The following DOCK1 variants were observed in gnomAD, a reference collection of about 807,000 sequenced individuals.
The protein encoded by DOCK1 is dedicator of cytokinesis protein 1.
In DOCK1, 138 loss-of-function variants were observed where a neutral mutation model predicts 262.7. That is an observed-to-expected ratio of 0.53 (90% CI 0.46 to 0.61). The LOEUF (loss-of-function observed/expected upper bound fraction) is 0.61. Ranked by LOEUF, DOCK1 falls within the 20% of genes least tolerant of loss-of-function variation. DOCK1 has a pLI of 0.00. For synonymous variants in DOCK1, 866 were observed against 867.4 expected (o/e 1.00, Z 0.03); for missense variants, 1,908 against 2,370.7 (o/e 0.80, Z 4.05).
At chr10:127,203,698 G>T (rs974036312) in intron 27 of DOCK1, among the ~76,000 whole-genome samples, 2 of 145,030 alleles carry the variant, frequency 1.4e-5, no homozygotes, top group Non-Finnish European at 1.5e-5. Flanking sequence ...AACAGTCTTC[G>T]CTTTAATTGC....
chr10:127,425,527 C>G (rs1292971080), intron 46 of DOCK1, among the ~76,000 whole-genome samples: 2 of 152,170 alleles, frequency 1.3e-5, no homozygotes, highest in African/African-American at 4.8e-5. Flanking sequence ...AATGTTCGCA[C>G]TCTGACATGA....
At chr10:127,204,822 G>A (rs1220585346) in intron 27 of DOCK1, among the ~76,000 whole-genome samples, 2 of 152,152 alleles carry the variant, frequency 1.3e-5, no homozygotes, top group African/African-American at 4.8e-5. Flanking sequence ...GGCCGTGATA[G>A]CCGATACCCT....
intron 1 of DOCK1, among the ~76,000 whole-genome samples, chr10:126,930,180 C>T (rs984123774): frequency 7.2e-5 from 11 of 152,324 alleles, no homozygotes; most frequent in East Asian, 5.8e-4. Flanking sequence ...GAGTAGACCA[C>T]GATTTGTTTG....
intron 23 of DOCK1, among the ~76,000 whole-genome samples, chr10:127,095,041 G>A (rs777232340): frequency 6.6e-6 from 1 of 152,202 alleles, no homozygotes; most frequent in Non-Finnish European, 1.5e-5. Flanking sequence ...GAATACTTCA[G>A]TAATTTAATT....
chr10:127,305,826 G>A (rs563482972), intron 29 of DOCK1, among the ~76,000 whole-genome samples: 4 of 152,118 alleles, frequency 2.6e-5, no homozygotes, highest in African/African-American at 4.8e-5. Context: ...GTAGTTTTTC[G>A]TTTTGTTTTT....
Position 127,396,965 on chromosome 10 carries a change from GCGTCTCC to G in DOCK1, c.3928-6089_3928-6083del, listed in dbSNP as rs1273126849. 9.7e-5 allele frequency among the ~76,000 whole-genome samples: 12 copies of G among 124,344 alleles called. 1 individual carries two copies. The highest frequency in any genetic ancestry group is 1.4e-4 in the African/African-American group (5 of 34,972). 81.6% of individuals were successfully genotyped at this position (124,344 alleles called of 152,430 possible). On this transcript the variant is annotated intron_variant, in intron 38 of 51. Coordinates refer to ENST00000623213, the MANE Select transcript of DOCK1 (RefSeq NM_001290223.2). The stretch of plus-strand genomic sequence containing the variant: ...GATCTGAGCATGAGTTACACGGGCA[GCGTCTCC>G]TGTGATCTGAGCATCAGTTACACGG...
intron 33 of DOCK1, among the ~76,000 whole-genome samples, chr10:127,369,256 T>C (rs1472965072): frequency 6.6e-6 from 1 of 152,232 alleles, no homozygotes; most frequent in Non-Finnish European, 1.5e-5. Context: ...CTATCTTGTG[T>C]ATTCTTTAAT....
At chr10:127,234,729 C>G (rs1018019524) in intron 27 of DOCK1, among the ~76,000 whole-genome samples, 1 of 151,874 alleles carries the variant, frequency 6.6e-6, no homozygotes, top group Non-Finnish European at 1.5e-5. Context: ...TGAAGTAGGC[C>G]TTGCAATACT....
intron 25 of DOCK1, among the ~76,000 whole-genome samples, chr10:127,121,248 G>C (rs1233229940): frequency 6.9e-6 from 1 of 145,076 alleles, no homozygotes; most frequent in Non-Finnish European, 1.5e-5. Context: ...TTTTCTCCTG[G>C]TGGATTATTT....
chr10:127,377,973 G>T (rs1348122461), intron 35 of DOCK1, among the ~76,000 whole-genome samples: 1 of 151,930 alleles, frequency 6.6e-6, no homozygotes, highest in Non-Finnish European at 1.5e-5. Flanking sequence ...TAAGTCCCCA[G>T]GACATCTCCT....
intron 1 of DOCK1, among the ~76,000 whole-genome samples, chr10:126,969,449 TGG>T (rs1456831277): frequency 1.3e-5 from 2 of 152,312 alleles, no homozygotes; most frequent in African/African-American, 4.8e-5. Context: ...CTTGGAGGTG[TGG>T]GCAGGAAATG....
intron 27 of DOCK1, among the ~76,000 whole-genome samples, chr10:127,224,579 G>C (rs552419903): frequency 6.6e-6 from 1 of 151,456 alleles, no homozygotes; most frequent in Admixed American, 6.6e-5. Context: ...AAAAAAATTG[G>C]TGTGGTAGTG....
chr10:127,293,674 C>T (rs2061416658), intron 29 of DOCK1, among the ~76,000 whole-genome samples: 2 of 152,294 alleles, frequency 1.3e-5, no homozygotes, highest in East Asian at 1.9e-4. Context: ...GACTTGCCTG[C>T]CCTATGAACC....
intron 29 of DOCK1, among the ~76,000 whole-genome samples, chr10:127,317,733 C>A (rs1010976975): frequency 1.8e-4 from 28 of 152,146 alleles, no homozygotes; most frequent in African/African-American, 6.5e-4. Context: ...AGCTTTGAAA[C>A]AGGAAGTTTT....
chr10:127,407,773 T>C (rs2067601785), intron 40 of DOCK1, among the ~76,000 whole-genome samples: 1 of 152,112 alleles, frequency 6.6e-6, no homozygotes, highest in African/African-American at 2.4e-5. Flanking sequence ...TCTTCCCCCG[T>C]GTCCCCTGAT....
In DOCK1 at chr10:127,073,210, A is replaced by G. The variant is rs1256272864; in HGVS notation, c.2445+11434A>G. ...ATTGCATGCTTATAGGTGACTCAAC[A>G]TTAAGAATTCAGTTCTTCCCAACTT... On this transcript the variant is annotated intron_variant, in intron 23 of 51. Coordinates refer to ENST00000623213, the MANE Select transcript of DOCK1 (RefSeq NM_001290223.2). Among the ~76,000 whole-genome samples the G allele has an allele frequency of 2.6e-5, 4 of 152,260 alleles. No homozygotes were observed. In the East Asian group the frequency reaches 5.8e-4, roughly 22 times the overall value.
At chr10:126,943,183 G>A (rs1188941352) in intron 1 of DOCK1, among the ~76,000 whole-genome samples, 3 of 152,154 alleles carry the variant, frequency 2.0e-5, no homozygotes, top group African/African-American at 7.2e-5. Flanking sequence ...AACGTGGGAG[G>A]CGGAGACTGC....
chr10:127,047,531 A>C lies in DOCK1; in HGVS notation c.2201+4367A>C, dbSNP rs566868202. ...CTTGCTTAAAATTTAAAAACTTAAAAATTGTTATAATTTGCATACAACAAA... is the reference window on the plus strand; with the variant it reads ...CTTGCTTAAAATTTAAAAACTTAAACATTGTTATAATTTGCATACAACAAA... On this transcript the variant is annotated intron_variant, in intron 21 of 51. Transcript: ENST00000623213. 2.0e-5 allele frequency among the ~76,000 whole-genome samples: 3 copies of C among 152,348 alleles called. No individual in the cohort carries two copies. In the East Asian group the frequency reaches 5.8e-4, roughly 29 times the overall value.
chr10:127,296,127 A>T (rs1476862468), intron 29 of DOCK1, among the ~76,000 whole-genome samples: 2 of 152,184 alleles, frequency 1.3e-5, no homozygotes, highest in African/African-American at 2.4e-5. Context: ...CTTCTTACTC[A>T]GAACTTCTGA....
Sources: gnomAD v4.1 joint callset for allele counts (sites outside exome capture counted in the v4.1 genomes callset) on GRCh38, gnomAD v4.1.1 for gene constraint, MANE v1.5 for transcripts, NCBI Gene and HGNC (gene_info 2026-07-23, HGNC 2026-07-21) for gene names.